SLC29A4: variants seen among roughly 807,000 people sequenced by gnomAD.
The protein encoded by SLC29A4 is equilibrative nucleoside transporter 4.
In SLC29A4, 36 loss-of-function variants were observed where a neutral mutation model predicts 43.9. That is an observed-to-expected ratio of 0.82 (90% CI 0.63 to 1.08). The LOEUF (loss-of-function observed/expected upper bound fraction) is 1.08. Ranked by LOEUF, SLC29A4 falls within the 50% of genes least tolerant of loss-of-function variation. The pLI is 0.00. For synonymous variants in SLC29A4, 491 were observed against 338.0 expected, an observed-to-expected ratio of 1.45 and a Z score of -4.97; for missense variants, 869 against 755.3, an observed-to-expected ratio of 1.15 and a Z score of -1.77.
At chr7:5,300,753 G>A (rs1257362628) in intron 10 of SLC29A4, 91 bp downstream of exon 10, 11 of 1,509,206 alleles carry the variant, frequency 7.3e-6, no homozygotes, top group African/African-American at 1.4e-5. Context: ...GCAGGAAGGT[G>A]CATTTGGGTT....
At chr7:5,297,650 C>T (rs570039134) in intron 7 of SLC29A4, among the ~76,000 whole-genome samples, 1 of 147,086 alleles carries the variant, frequency 6.8e-6, no homozygotes, top group East Asian at 1.9e-4. Context: ...CACAGCCTTC[C>T]TCCCTAGAGT....
At chr7:5,286,652 G>A (rs934940921) in intron 1 of SLC29A4, among the ~76,000 whole-genome samples, 8 of 152,212 alleles carry the variant, frequency 5.3e-5, no homozygotes, top group Middle Eastern at 6.8e-3. Context: ...CTTTCCTCCC[G>A]AAGGTCAGGG....
At chr7:5,298,867 G>C (rs1250375829) in intron 7 of SLC29A4, 121 bp from the exon 8 acceptor site, 9 of 1,075,798 alleles carry the variant, frequency 8.4e-6, no homozygotes, top group Non-Finnish European at 1.2e-5. Context: ...GCACACAGTA[G>C]GTACCACCTG....
In SLC29A4 at chr7:5,305,528, G is replaced by A. The variant is rs1313003496; in HGVS notation, c.*2589G>A. 1.3e-5 allele frequency: 2 copies of A among 149,372 alleles called. No individual in the cohort carries two copies. The highest frequency in any genetic ancestry group is 3.0e-5 in the Non-Finnish European group (2 of 67,594). The allele number at this position is 149,372 out of a possible 1,614,324, so 9.3% of individuals were successfully genotyped here. ...CATTTTCTTCTAGTATCATTTTGTG[G>A]TAGGCATGGCTGGAAATGTGCAGCT... On this transcript the variant is annotated 3_prime_UTR_variant, in exon 11 of 11. Coordinates refer to ENST00000396872, the MANE Select transcript of SLC29A4 (RefSeq NM_153247.4).
rs1554262923 is a variant in SLC29A4, at chr7:5,296,907, G to GGCCCAGGCCCACTGTGCAC, written c.620-25_620-24insAGGCCCACTGTGCACGCCC. On this transcript the variant is annotated intron_variant, in intron 6 of 10. Coordinates refer to ENST00000396872, the MANE Select transcript of SLC29A4 (RefSeq NM_153247.4). ...GCGGTGCAGGGAGCTGGGCGGATCAGGCCCCGGCCCACTGTGCACGCCCCC... is the reference window on the plus strand; with the variant it reads ...GCGGTGCAGGGAGCTGGGCGGATCAGGCCCAGGCCCACTGTGCACGCCCCGGCCCACTGTGCACGCCCCC... The GGCCCAGGCCCACTGTGCAC allele has an allele frequency of 2.6e-3, 4,006 of 1,548,622 alleles. 20 individuals are homozygous for GGCCCAGGCCCACTGTGCAC. The highest frequency in any genetic ancestry group is 6.9e-3 in the South Asian group (580 of 84,260).
In SLC29A4 at chr7:5,300,493, C is replaced by T. The variant is rs1200514479; in HGVS notation, c.1281C>T (p.Phe427=). 3.7e-6 allele frequency: 6 copies of T among 1,611,834 alleles called. No individual in the cohort carries two copies. Among genetic ancestry groups the T allele is most frequent in the African/African-American group, 1.3e-5 (1 of 74,860 alleles). The change falls in exon 10 of 11, where the codon TTC becomes TTT. Residue 427 remains phenylalanine, a synonymous_variant. Coordinates refer to ENST00000396872, the MANE Select transcript of SLC29A4 (RefSeq NM_153247.4). ...LLACSCLRVV[F]IPLFILCVYP... is the part of the protein sequence containing the mutation. Reference sequence around the variant, plus strand: ...CCTGCTCCTGCCTGCGTGTGGTCTTCATCCCCCTCTTCATCCTGTGCGTCT... The same window carrying T: ...CCTGCTCCTGCCTGCGTGTGGTCTTTATCCCCCTCTTCATCCTGTGCGTCT...
chr7:5,306,791 TTTATTTTTCCAATTAAATC>T lies in SLC29A4; in HGVS notation c.*3855_*3873del, dbSNP rs1786545643. On this transcript the variant is annotated 3_prime_UTR_variant, in exon 11 of 11. Coordinates refer to ENST00000396872, the MANE Select transcript of SLC29A4 (RefSeq NM_153247.4). ...CCTGAAATAAACCACTCCAGACAAT[TTTATTTTTCCAATTAAATC>T]TTTTCTTTTTTTTTATGAAAAAAGA... The T allele has an allele frequency of 6.6e-6, 1 of 152,074 alleles. No individual in the cohort carries two copies. The highest frequency in any genetic ancestry group is 1.5e-5 in the Non-Finnish European group (1 of 68,020). 9.4% of individuals were successfully genotyped at this position (152,074 alleles called of 1,614,324 possible).
rs551645027 is a variant in SLC29A4 at position 5,294,823 on chromosome 7, T to C, written c.545-37T>C. The C allele has an allele frequency of 3.8e-6, 6 of 1,586,286 alleles. No homozygotes were observed. The East Asian group carries it at 9.1e-5, about 24-fold the overall frequency. On this transcript the variant is annotated intron_variant, in intron 5 of 10. Transcript: ENST00000396872. The stretch of plus-strand genomic sequence containing the variant: ...TTTCTCCCAAGTTGACAGGTGATAA[T>C]GGTGCCTCTGGGTTGTTCCTCTCTC...
chr7:5,302,868 C>T lies in SLC29A4; in HGVS notation c.1522C>T (p.Leu508Phe), dbSNP rs146058115. 64 of 1,602,638 alleles carry T rather than the reference C, an allele frequency of 4.0e-5. No homozygotes were observed. The highest frequency in any genetic ancestry group is 4.9e-5 in the Non-Finnish European group (58 of 1,175,188). ...GSAVAYCTYSLTRDAHGSCLH... is the reference protein window; with the variant it reads ...GSAVAYCTYSFTRDAHGSCLH... Reference sequence around the variant, plus strand: ...CGCCGTGGCCTACTGCACCTACAGCCTCACCCGCGACGCTCACGGCAGCTG... The same window carrying T: ...CGCCGTGGCCTACTGCACCTACAGCTTCACCCGCGACGCTCACGGCAGCTG... Residue 508 changes from leucine to phenylalanine, a missense_variant, in exon 11 of 11, where the codon CTC becomes TTC. Physicochemically the swap from Leu to Phe is conservative, Grantham distance 22. Transcript: ENST00000396872.
intron 10 of SLC29A4, among the ~76,000 whole-genome samples, chr7:5,301,496 G>A (rs1204760432): frequency 6.6e-6 from 1 of 152,158 alleles, no homozygotes. Context: ...AGGCATCCAG[G>A]AAGAGGGAGC....
chr7:5,303,901 G>A lies in SLC29A4; in HGVS notation c.*962G>A, dbSNP rs565817947. 1.3e-5 allele frequency: 2 copies of A among 152,464 alleles called. No individual in the cohort carries two copies. The highest frequency in any genetic ancestry group is 2.4e-5 in the African/African-American group (1 of 41,578). 9.4% of individuals were successfully genotyped at this position (152,464 alleles called of 1,614,324 possible). Reference sequence around the variant, plus strand: ...CCTGAGGTCAGGGGATCCTAAGGGTGTCCTTCCAGAGACGGTGTTTCCAGG... The same window carrying A: ...CCTGAGGTCAGGGGATCCTAAGGGTATCCTTCCAGAGACGGTGTTTCCAGG... On this transcript the variant is annotated 3_prime_UTR_variant, in exon 11 of 11. Transcript: ENST00000396872.
At chr7:5,289,612 C>T (rs1293131921) in intron 2 of SLC29A4, among the ~76,000 whole-genome samples, 4 of 152,024 alleles carry the variant, frequency 2.6e-5, no homozygotes, top group African/African-American at 7.3e-5. Flanking sequence ...AATCGCAAAA[C>T]GCCTTCACAG....
At chr7:5,302,705 C>T (rs1435834049) in intron 10 of SLC29A4, 92 bp from the exon 11 acceptor site, 22 of 1,322,278 alleles carry the variant, frequency 1.7e-5, no homozygotes, top group Non-Finnish European at 2.1e-5. Context: ...CGGCACGGTT[C>T]AGGCGGGTGT....
chr7:5,291,547 C>T, intron 4 of SLC29A4, 146 bp from the exon 5 acceptor site: 1 of 1,118,924 alleles, frequency 8.9e-7, no homozygotes, highest in East Asian at 2.5e-5. Context: ...TCCAGGTGCC[C>T]CTGTTAGACT....
chr7:5,289,745 C>G (rs1429908227), intron 2 of SLC29A4, among the ~76,000 whole-genome samples: 1 of 152,046 alleles, frequency 6.6e-6, no homozygotes. Flanking sequence ...TAAACCATGC[C>G]TCCTCTCCAG....
chr7:5,295,160 CTG>C (rs1488366449), intron 6 of SLC29A4, among the ~76,000 whole-genome samples: 7 of 152,106 alleles, frequency 4.6e-5, no homozygotes, highest in African/African-American at 1.7e-4. Flanking sequence ...CATGTGTGTG[CTG>C]TGTTTCTGGG....
intron 7 of SLC29A4, among the ~76,000 whole-genome samples, chr7:5,298,513 C>T (rs1012747847): frequency 2.0e-5 from 3 of 152,114 alleles, no homozygotes; most frequent in South Asian, 2.1e-4. Context: ...GAGAGAGAGC[C>T]AGGCGCAGTG....
At chr7:5,291,865 C>G (rs201525099) in intron 5 of SLC29A4, 44 bp downstream of exon 5, 2 of 1,585,278 alleles carry the variant, frequency 1.3e-6, no homozygotes, top group Non-Finnish European at 1.7e-6. Context: ...TGCCCACTTC[C>G]GACCCCATCC....
intron 9 of SLC29A4, 41 bp downstream of exon 9, chr7:5,299,468 G>A (rs543769595): frequency 6.3e-7 from 1 of 1,585,636 alleles, no homozygotes; most frequent in East Asian, 2.2e-5. Context: ...GACGCCATGG[G>A]GTGGGGGTGA....
Sources: gnomAD v4.1 joint callset for allele counts (sites outside exome capture counted in the v4.1 genomes callset) on GRCh38, gnomAD v4.1.1 for gene constraint, MANE v1.5 for transcripts, NCBI Gene and HGNC (gene_info 2026-07-23, HGNC 2026-07-21) for gene names.